SPAG1: variants seen among roughly 807,000 people sequenced by gnomAD.
The protein encoded by SPAG1 is sperm-associated antigen 1.
Under a neutral mutation model 100.5 loss-of-function variants are expected in SPAG1, and 69 were observed. The ratio of observed to expected loss-of-function variants is 0.69; its 90% CI spans 0.57 to 0.84. The LOEUF is 0.84. Ranked by LOEUF, SPAG1 falls within the 40% of genes least tolerant of loss-of-function variation. The probability of loss-of-function intolerance (pLI) is 0.00; values close to 1 mark genes in which losing one functional copy is unlikely to be tolerated. For missense variants in SPAG1, 955 were observed against 1,133.1 expected (o/e 0.84, Z 2.26); for synonymous variants, 336 against 411.6 (o/e 0.82, Z 2.22).
intron 10 of SPAG1, among the ~76,000 whole-genome samples, chr8:100,198,855 A>C (rs1209468716): frequency 1.3e-5 from 2 of 152,194 alleles, no homozygotes; most frequent in Non-Finnish European, 2.9e-5. Context: ...GCCTATCTTG[A>C]GTATTTCATA....
chr8:100,164,980 C>T (rs1167684186), intron 2 of SPAG1, among the ~76,000 whole-genome samples: 1 of 152,148 alleles, frequency 6.6e-6, no homozygotes, highest in African/African-American at 2.4e-5. Context: ...AATCCATTCA[C>T]CCCAAATGAA....
chr8:100,179,588 T>C (rs1321029551), intron 4 of SPAG1, among the ~76,000 whole-genome samples: 2 of 152,196 alleles, frequency 1.3e-5, no homozygotes, highest in African/African-American at 4.8e-5. Flanking sequence ...AAAATAATAC[T>C]AATGCTTTGT....
At chr8:100,191,205 A>G (rs1305514926) in intron 8 of SPAG1, among the ~76,000 whole-genome samples, 185 bp from the exon 9 acceptor site, 5 of 152,156 alleles carry the variant, frequency 3.3e-5, no homozygotes, top group Non-Finnish European at 1.5e-5. Flanking sequence ...TGGCTGATGT[A>G]GCCTCTTTTA....
intron 7 of SPAG1, 143 bp downstream of exon 7, chr8:100,184,876 TTTC>T (rs1816523230): frequency 1.7e-6 from 1 of 582,604 alleles, no homozygotes; most frequent in African/African-American, 2.0e-5. Context: ...TTCACTTGTG[TTTC>T]TCCTATTTTT....
intron 16 of SPAG1, among the ~76,000 whole-genome samples, chr8:100,234,138 G>A (rs1360173882): frequency 6.6e-6 from 1 of 152,108 alleles, no homozygotes; most frequent in Non-Finnish European, 1.5e-5. Context: ...AGGAATGAAT[G>A]TTCATATTTA....
intron 9 of SPAG1, among the ~76,000 whole-genome samples, chr8:100,193,547 A>G (rs1419807129): frequency 6.6e-6 from 1 of 152,226 alleles, no homozygotes; most frequent in African/African-American, 2.4e-5. Flanking sequence ...AAAATCGTAT[A>G]TCCAACAAAG....
intron 10 of SPAG1, among the ~76,000 whole-genome samples, chr8:100,200,396 A>G (rs1200217549): frequency 6.6e-6 from 1 of 152,194 alleles, no homozygotes; most frequent in Non-Finnish European, 1.5e-5. Flanking sequence ...GAATAGTGCC[A>G]CAATAAACAT....
At chr8:100,194,497 C>T in intron 10 of SPAG1, 1 of 607,898 alleles carries the variant, frequency 1.6e-6, no homozygotes. Context: ...CAGTTTAATT[C>T]CTGGTCATCA....
At chr8:100,207,390 T>C (rs1396021959) in intron 10 of SPAG1, among the ~76,000 whole-genome samples, 3 of 152,132 alleles carry the variant, frequency 2.0e-5, no homozygotes, top group Admixed American at 6.5e-5. Context: ...CTGTGATCAG[T>C]TGACAGACTA....
Position 100,161,480 on chromosome 8 carries a change from C to T in SPAG1, c.-2-799C>T, listed in dbSNP as rs113067049. Among the ~76,000 whole-genome samples, 919 of 152,264 alleles carry T rather than the reference C, an allele frequency of 6.0e-3. 15 individuals are homozygous for T. The highest frequency in any genetic ancestry group is 0.021 in the African/African-American group (892 of 41,542). ...TTAAGTTAAATATTAAAAGCCAGTG[C>T]CCTTATACAAAGGCTGGGATGTAAC... On this transcript the variant is annotated intron_variant, in intron 1 of 18. Coordinates refer to ENST00000388798, the MANE Select transcript of SPAG1 (RefSeq NM_003114.5).
At chr8:100,217,687 C>T (rs193064916) in intron 12 of SPAG1, among the ~76,000 whole-genome samples, 13 of 152,350 alleles carry the variant, frequency 8.5e-5, no homozygotes, top group African/African-American at 2.4e-4. Context: ...ATCTAAACCA[C>T]ACCAAAAATC....
Position 100,213,262 on chromosome 8 carries a change from TGCGGCGGCG to T in SPAG1, c.1277_1285del (p.Ala426_Ala428del). 8.2e-7 allele frequency: 1 copy of T among 1,213,144 alleles called. No homozygotes were observed. The highest frequency in any genetic ancestry group is 1.0e-6 in the Non-Finnish European group (1 of 978,820). 75.1% of individuals were successfully genotyped at this position (1,213,144 alleles called of 1,614,324 possible). A position where few individuals can be genotyped will look rare whatever the true frequency, so the allele number is the denominator to read the frequency against. On this transcript the variant is annotated inframe_deletion, in exon 11 of 19. Transcript: ENST00000388798. ...ACAAGCGGAGCCCACGGCGGGCCTC[TGCGGCGGCG>T]GCGGCGGGCGGCGGCGCCACCGGGC...
chr8:100,167,337 CCTA>C (rs1815606555), intron 3 of SPAG1, among the ~76,000 whole-genome samples: 1 of 152,080 alleles, frequency 6.6e-6, no homozygotes, highest in Non-Finnish European at 1.5e-5. Flanking sequence ...AGTACTGAAG[CCTA>C]AATATACCAT....
chr8:100,187,149 C>T lies in SPAG1; in HGVS notation c.731C>T (p.Ala244Val). Reference protein sequence around the residue: ...RSISALPTVVAYNNRAQAEIK... With the variant: ...RSISALPTVVVYNNRAQAEIK... Reference sequence around the variant, plus strand: ...ATATCAGCGCTTCCCACTGTAGTTGCCTATAACAATCGAGCTCAAGCAGAA... The same window carrying T: ...ATATCAGCGCTTCCCACTGTAGTTGTCTATAACAATCGAGCTCAAGCAGAA... The change falls in exon 8 of 19, where the codon GCC becomes GTC. Residue 244 changes from alanine to valine, a missense_variant. By Grantham distance (64) the Ala-to-Val change is moderately conservative. Coordinates refer to ENST00000388798, the MANE Select transcript of SPAG1 (RefSeq NM_003114.5). 6.2e-7 allele frequency: 1 copy of T among 1,612,336 alleles called. No individual in the cohort carries two copies. Among genetic ancestry groups the T allele is most frequent in the Non-Finnish European group, 8.5e-7 (1 of 1,179,008 alleles).
At chr8:100,163,980 A>G (rs971809323) in intron 2 of SPAG1, among the ~76,000 whole-genome samples, 7 of 152,220 alleles carry the variant, frequency 4.6e-5, no homozygotes, top group Non-Finnish European at 7.3e-5. Context: ...TAATTTGGAA[A>G]TGAAATTTAT....
Position 100,220,388 on chromosome 8 carries a change from C to A in SPAG1, c.1645C>A (p.Gln549Lys), listed in dbSNP as rs1818212209. The part of the protein sequence containing the change: ...KAYVDYKTVL[Q>K]IDCGLQLAND... ...TTATGTGGATTATAAAACAGTGTTG[C>A]AGATAGACTGTGGACTCCAGCTAGC... is the stretch of plus-strand genomic sequence containing the variant. Residue 549 changes from glutamine (Q) to lysine (K), a missense_variant, in exon 13 of 19, where the codon CAG becomes AAG. Coordinates refer to ENST00000388798, the MANE Select transcript of SPAG1 (RefSeq NM_003114.5). The A allele has an allele frequency of 1.2e-6, 2 of 1,613,878 alleles. No individual in the cohort carries two copies. The highest frequency in any genetic ancestry group is 1.7e-6 in the Non-Finnish European group (2 of 1,179,852).
intron 10 of SPAG1, chr8:100,194,748 T>C (rs1011156705): frequency 9.8e-6 from 2 of 203,138 alleles, no homozygotes; most frequent in Non-Finnish European, 1.9e-5. Context: ...ATTTAACACT[T>C]GAAACAATAT....
chr8:100,186,420 G>GT (rs1382928452), intron 7 of SPAG1, among the ~76,000 whole-genome samples: 4 of 151,524 alleles, frequency 2.6e-5, no homozygotes, highest in Admixed American at 6.6e-5. Context: ...TACATCAACG[G>GT]TTTTTTTTAA....
At chr8:100,235,898 G>A (rs1818984705) in intron 16 of SPAG1, among the ~76,000 whole-genome samples, 1 of 152,086 alleles carries the variant, frequency 6.6e-6, no homozygotes, top group Non-Finnish European at 1.5e-5. Context: ...CCTAGATGGT[G>A]TATGGCACCA....
Sources: allele counts gnomAD v4.1 joint callset (sites outside exome capture counted in the v4.1 genomes callset), GRCh38; gene constraint gnomAD v4.1.1; transcripts MANE v1.5; gene names NCBI Gene and HGNC (gene_info 2026-07-23, HGNC 2026-07-21).